HOXD13: variants seen among roughly 807,000 people sequenced by gnomAD.
HOXD13 encodes the protein homeobox protein Hox-D13.
A neutral mutation model predicts 27.3 loss-of-function variants in HOXD13; 16 were observed. That is an observed-to-expected ratio of 0.59 (90% confidence interval 0.40 to 0.89). HOXD13 has a LOEUF of 0.89. Ranked by LOEUF, HOXD13 falls within the 40% of genes least tolerant of loss-of-function variation. The probability of loss-of-function intolerance (pLI) is 0.00; values close to 1 mark genes in which losing one functional copy is unlikely to be tolerated. For synonymous variants in HOXD13, 241 were observed against 219.0 expected (o/e 1.10, Z -0.89); for missense variants, 481 against 482.6 (o/e 1.00, Z 0.03).
At position 176,092,898 on chromosome 2, in the gene HOXD13, G is replaced by T. The variant is rs1356796894; in HGVS notation, c.8G>T (p.Arg3Leu). The T allele has an allele frequency of 1.0e-5, 13 of 1,279,444 alleles. No individual in the cohort carries two copies. In the East Asian group the frequency reaches 3.9e-4, roughly 39 times the overall value. The allele number at this position is 1,279,444 out of a possible 1,614,324, so 79.3% of individuals were successfully genotyped here. ...GCCGGGCCAGGCCGGGCCATGAGCC[G>T]CGCCGGGAGCTGGGACATGGACGGG... Reference protein sequence around the residue: MSRAGSWDMDGLR... With the variant: MSLAGSWDMDGLR... The change falls in exon 1 of 2, where the codon CGC (arginine) becomes CTC (leucine). Residue 3 changes from arginine to leucine, a missense_variant. Physicochemically the swap from Arg to Leu is moderately radical, Grantham distance 102. Coordinates refer to ENST00000392539, the MANE Select transcript of HOXD13 (RefSeq NM_000523.4).
At chr2:176,089,024 T>G (rs1689283319), upstream of HOXD13, among the ~76,000 whole-genome samples, 1 of 152,226 alleles carries the variant, frequency 6.6e-6, no homozygotes, top group African/African-American at 2.4e-5. Flanking sequence ...CACCAAATAA[T>G]GTTTCTGATT....
At chr2:176,088,685 C>A (rs1333829214), upstream of HOXD13, among the ~76,000 whole-genome samples, 1 of 152,188 alleles carries the variant, frequency 6.6e-6, no homozygotes, top group Non-Finnish European at 1.5e-5. Context: ...CAGACATTTT[C>A]TTTTATCTCA....
At position 176,093,538 on chromosome 2, in the gene HOXD13, G is replaced by T. The variant is rs1315402776; in HGVS notation, c.648G>T (p.Gly216=). 6.2e-7 allele frequency: 1 copy of T among 1,614,018 alleles called. No homozygotes were observed. The highest frequency in any genetic ancestry group is 8.5e-7 in the Non-Finnish European group (1 of 1,180,016). ...YIDMVSTFGS[G]EPRHEAYISM... is the part of the protein sequence containing the mutation. ...ACATGGTGTCCACTTTCGGCTCCGG[G>T]GAGCCTCGGCACGAGGCCTACATCT... Residue 216 remains glycine (G), a synonymous_variant, in exon 1 of 2, where the codon GGG becomes GGT. Coordinates refer to ENST00000392539, the MANE Select transcript of HOXD13 (RefSeq NM_000523.4).
Position 176,093,015 on chromosome 2 carries a change from G to A in HOXD13, c.125G>A (p.Gly42Asp), listed in dbSNP as rs1689346636. The change falls in exon 1 of 2, where the codon GGC becomes GAC. Residue 42 changes from glycine (G) to aspartate (D), a missense_variant. Coordinates refer to ENST00000392539, the MANE Select transcript of HOXD13 (RefSeq NM_000523.4). ...GCGGCGGCGTCAGGCCAGTGCCGCG[G>A]CTTTCTCTCCGCGCCTGTGTTCGCC... ...AAAAASGQCRGFLSAPVFAGT... is the reference protein window; with the variant it reads ...AAAAASGQCRDFLSAPVFAGT... 3 of 1,386,260 alleles carry A rather than the reference G, an allele frequency of 2.2e-6. No individual in the cohort carries two copies. Among genetic ancestry groups the A allele is most frequent in the Admixed American group, 3.4e-5 (1 of 29,090 alleles). 85.9% of individuals were successfully genotyped at this position (1,386,260 alleles called of 1,614,324 possible). A position where few individuals can be genotyped will look rare whatever the true frequency, so the allele number is the denominator to read the frequency against.
upstream of HOXD13, among the ~76,000 whole-genome samples, chr2:176,088,029 C>T (rs950423448): frequency 6.6e-6 from 1 of 152,276 alleles, no homozygotes; most frequent in Non-Finnish European, 1.5e-5. Context: ...CCGCGTCTGC[C>T]GCTGCCGGAG....
At position 176,093,082 on chromosome 2, in the gene HOXD13, T is replaced by TGCG. The variant is rs748398268; in HGVS notation, c.207_209dup (p.Ala71dup). 91 of 1,395,896 alleles carry TGCG rather than the reference T, an allele frequency of 6.5e-5. No homozygotes were observed. Among genetic ancestry groups the TGCG allele is most frequent in the Middle Eastern group, 2.0e-4 (1 of 5,060 alleles). 86.5% of individuals were successfully genotyped at this position (1,395,896 alleles called of 1,614,324 possible). On this transcript the variant is annotated inframe_insertion, in exon 1 of 2. Coordinates refer to ENST00000392539, the MANE Select transcript of HOXD13 (RefSeq NM_000523.4). The stretch of plus-strand genomic sequence containing the variant: ...GGGCGGCGGCGGCGGCAGCGGCGGC[T>TGCG]GCGGCGGCGGCGGCGGCAGCCTCCG...
At chr2:176,094,417 A>ACACACAC in intron 1 of HOXD13, 63 bp from the exon 2 acceptor site, 33 of 1,578,948 alleles carry the variant, frequency 2.1e-5, no homozygotes, top group African/African-American at 2.7e-5. Flanking sequence ...ACACACACAC[A>ACACACAC]ATCCTCAGCT....
At chr2:176,092,348 C>T (rs1003510744), upstream of HOXD13, among the ~76,000 whole-genome samples, 9 of 152,178 alleles carry the variant, frequency 5.9e-5, no homozygotes, top group African/African-American at 1.9e-4. Context: ...GGAGAGGTGG[C>T]AAAAACAGCG....
chr2:176,093,052 G>A lies in HOXD13; in HGVS notation c.162G>A (p.Ser54=). The part of the protein sequence containing the change: ...LSAPVFAGTH[S]GRAAAAAAAA... ...CGCCTGTGTTCGCCGGGACGCATTC[G>A]GGGCGGGCGGCGGCGGCGGCAGCGG... The change falls in exon 1 of 2, where the codon TCG becomes TCA. Residue 54 remains serine, a synonymous_variant. Transcript: ENST00000392539. 1 of 1,376,708 alleles carries A rather than the reference G, an allele frequency of 7.3e-7. No individual in the cohort carries two copies. The highest frequency in any genetic ancestry group is 9.3e-7 in the Non-Finnish European group (1 of 1,075,798). The allele number at this position is 1,376,708 out of a possible 1,614,324, so 85.3% of individuals were successfully genotyped here.
At position 176,093,649 on chromosome 2, in the gene HOXD13, C is replaced by T. The variant is rs1689367108; in HGVS notation, c.759C>T (p.His253=). ...CCAAGGACCAGCCACAGGGGTCCCACTTTTGGAAATCTTCCTTTCCAGGTA... is the reference window on the plus strand; with the variant it reads ...CCAAGGACCAGCCACAGGGGTCCCATTTTTGGAAATCTTCCTTTCCAGGTA... ...YCTKDQPQGS[H]FWKSSFPGDV... is the part of the protein sequence containing the mutation. The change falls in exon 1 of 2, where the codon CAC becomes CAT. Residue 253 remains histidine (H), a synonymous_variant. Coordinates refer to ENST00000392539, the MANE Select transcript of HOXD13 (RefSeq NM_000523.4). 6.3e-7 allele frequency: 1 copy of T among 1,598,186 alleles called. No homozygotes were observed. Among genetic ancestry groups the T allele is most frequent in the Non-Finnish European group, 8.5e-7 (1 of 1,169,972 alleles).
chr2:176,090,617 TA>T (rs1485311911), upstream of HOXD13, among the ~76,000 whole-genome samples: 1 of 152,252 alleles, frequency 6.6e-6, no homozygotes, highest in Admixed American at 6.5e-5. Flanking sequence ...ACCACAGGGA[TA>T]TTTAATTTTA....
At chr2:176,091,149 C>G (rs1356166698), upstream of HOXD13, among the ~76,000 whole-genome samples, 1 of 152,190 alleles carries the variant, frequency 6.6e-6, no homozygotes, top group Non-Finnish European at 1.5e-5. Flanking sequence ...CTCCTAACAC[C>G]AGCAGCCTAC....
At position 176,095,322 on chromosome 2, in the gene HOXD13, G is replaced by A. The variant is rs1432209802; in HGVS notation, c.*592G>A. ...TAAAAATGGCCACCTTATTAAATAGGGATTGTATCAATATTGAAATGAAGA... is the reference window on the plus strand; with the variant it reads ...TAAAAATGGCCACCTTATTAAATAGAGATTGTATCAATATTGAAATGAAGA... On this transcript the variant is annotated 3_prime_UTR_variant, in exon 2 of 2. Transcript: ENST00000392539. The A allele has an allele frequency of 4.8e-5, 11 of 228,102 alleles. No individual in the cohort carries two copies. The highest frequency in any genetic ancestry group is 1.3e-3 in the Middle Eastern group (1 of 784). 14.1% of individuals were successfully genotyped at this position (228,102 alleles called of 1,614,324 possible). A position where few individuals can be genotyped will look rare whatever the true frequency, so the allele number is the denominator to read the frequency against.
At chr2:176,092,621 C>T (rs1294064147), upstream of HOXD13, among the ~76,000 whole-genome samples, 1 of 152,140 alleles carries the variant, frequency 6.6e-6, no homozygotes, top group Non-Finnish European at 1.5e-5. Flanking sequence ...TGGCACGCCC[C>T]CGGCGGGGGC....
upstream of HOXD13, among the ~76,000 whole-genome samples, chr2:176,089,505 G>C (rs541138540): frequency 6.6e-6 from 1 of 152,166 alleles, no homozygotes; most frequent in African/African-American, 2.4e-5. Context: ...TGTGATCCTG[G>C]CCTTAATGGC....
At chr2:176,092,507 G>T (rs1048176609), upstream of HOXD13, among the ~76,000 whole-genome samples, 1 of 151,292 alleles carries the variant, frequency 6.6e-6, no homozygotes, top group Admixed American at 6.6e-5. Context: ...GACCCTGCAA[G>T]GGGCAGGAGA....
rs10649769 is a variant in HOXD13 at position 176,094,385 on chromosome 2, G to GCACACACA, written c.782-70_782-63dup. ...AAAAATTTCCTGCACCCCTGCAAAC[G>GCACACACA]CACACACACACACACACACACACAC... is the stretch of plus-strand genomic sequence containing the variant. On this transcript the variant is annotated intron_variant, in intron 1 of 1. Transcript: ENST00000392539. The GCACACACA allele has an allele frequency of 1.8e-3, 2,135 of 1,201,984 alleles. 7 individuals are homozygous for GCACACACA. Among genetic ancestry groups the GCACACACA allele is most frequent in the African/African-American group, 0.014 (864 of 62,736 alleles). 74.5% of individuals were successfully genotyped at this position (1,201,984 alleles called of 1,614,324 possible). A position where few individuals can be genotyped will look rare whatever the true frequency, so the allele number is the denominator to read the frequency against.
chr2:176,091,183 G>T (rs1475287793), upstream of HOXD13, among the ~76,000 whole-genome samples: 1 of 152,208 alleles, frequency 6.6e-6, no homozygotes, highest in African/African-American at 2.4e-5. Flanking sequence ...GCCAGGCCAA[G>T]GAGGGCCTTC....
chr2:176,090,014 G>A (rs141581597), upstream of HOXD13, among the ~76,000 whole-genome samples: 2 of 152,338 alleles, frequency 1.3e-5, no homozygotes, highest in East Asian at 3.9e-4. Context: ...TGCAAATTCA[G>A]CCTCAAAATT....
Sources: allele counts gnomAD v4.1 joint callset (sites outside exome capture counted in the v4.1 genomes callset), GRCh38; gene constraint gnomAD v4.1.1; transcripts MANE v1.5; gene names NCBI Gene and HGNC (gene_info 2026-07-23, HGNC 2026-07-21).